NEDD4L: variants seen among roughly 807,000 people sequenced by gnomAD.
NEDD4L encodes the protein NEDD4 like E3 ubiquitin protein ligase.
NEDD4L carries 54 observed loss-of-function variants against 148.9 expected under a neutral mutation model. The observed-to-expected ratio is 0.36, with a 90% CI of 0.29 to 0.45. The LOEUF is 0.45. NEDD4L is among the 20% of genes least tolerant of loss of function. The probability of loss-of-function intolerance (pLI) is 1.00; values close to 1 mark genes in which losing one functional copy is unlikely to be tolerated. For missense variants in NEDD4L, 856 were observed against 1,233.8 expected (o/e 0.69, Z 4.59); for synonymous variants, 433 against 440.7 (o/e 0.98, Z 0.22).
At chr18:58,340,866 A>G in intron 13 of NEDD4L, 172 bp from the exon 14 acceptor site, 1 of 637,070 alleles carries the variant, frequency 1.6e-6, no homozygotes, top group Non-Finnish European at 2.6e-6. Flanking sequence ...AGTAGATTTG[A>G]AGCTGTTGGA....
chr18:58,186,749 A>G (rs2039523614), intron 2 of NEDD4L, among the ~76,000 whole-genome samples: 1 of 152,254 alleles, frequency 6.6e-6, no homozygotes, highest in Admixed American at 6.5e-5. Context: ...GCATTCCGGT[A>G]TGCTTGCATA....
intron 24 of NEDD4L, among the ~76,000 whole-genome samples, chr18:58,379,378 G>A (rs1366840465): frequency 6.6e-6 from 1 of 152,244 alleles, no homozygotes; most frequent in Non-Finnish European, 1.5e-5. Context: ...CTCCCACTTA[G>A]GGTTGACACT....
intron 2 of NEDD4L, among the ~76,000 whole-genome samples, chr18:58,236,376 AT>A (rs111978300): frequency 3.6e-4 from 55 of 152,234 alleles, no homozygotes; most frequent in South Asian, 2.1e-3. Flanking sequence ...AGAAAAAAAA[AT>A]TTATGAAGTA....
At chr18:58,159,268 A>G (rs2035899369) in intron 1 of NEDD4L, among the ~76,000 whole-genome samples, 1 of 152,094 alleles carries the variant, frequency 6.6e-6, no homozygotes, top group Admixed American at 6.5e-5. Context: ...TAGGCAGAGC[A>G]CCGAGGATTT....
At chr18:58,057,753 T>A (rs1341201104) in intron 1 of NEDD4L, among the ~76,000 whole-genome samples, 2 of 152,188 alleles carry the variant, frequency 1.3e-5, no homozygotes, top group Non-Finnish European at 2.9e-5. Context: ...GGTCTGTGGT[T>A]CTGGGAATTC....
intron 2 of NEDD4L, among the ~76,000 whole-genome samples, chr18:58,184,470 T>C (rs1358832712): frequency 2.0e-5 from 3 of 152,006 alleles, no homozygotes; most frequent in Non-Finnish European, 2.9e-5. Context: ...GCATCCGTCA[T>C]CTTAGGAGGT....
rs2146969107 is a variant in NEDD4L at position 58,390,664 on chromosome 18, G to A, written c.2674G>A (p.Ala892Thr). ...TTCATAGGCTGTGCTACTCATGGACGCCGAAAAGCGTATCCGGTTACTGCA... is the reference window on the plus strand; with the variant it reads ...TTCATAGGCTGTGCTACTCATGGACACCGAAAAGCGTATCCGGTTACTGCA... ...WFWKAVLLMD[A>T]EKRIRLLQFV... The change falls in exon 29 of 31, where the codon GCC becomes ACC. Residue 892 changes from alanine (A) to threonine (T), a missense_variant. By Grantham distance (58) the Ala-to-Thr change is moderately conservative (BLOSUM62 0). Around this residue, in one of 4 missense-constraint regions of NEDD4L, gnomAD observed 286 missense variants for 531.8 expected, o/e 0.54. Coordinates refer to ENST00000400345, the MANE Select transcript of NEDD4L (RefSeq NM_001144967.3). The A allele has an allele frequency of 3.1e-6, 5 of 1,589,214 alleles. No homozygotes were observed. Among genetic ancestry groups the A allele is most frequent in the Non-Finnish European group, 4.3e-6 (5 of 1,166,402 alleles).
chr18:58,340,144 A>C (rs1355496341), intron 13 of NEDD4L, among the ~76,000 whole-genome samples: 1 of 152,156 alleles, frequency 6.6e-6, no homozygotes, highest in Non-Finnish European at 1.5e-5. Flanking sequence ...TCGCCTATGC[A>C]TTCAAGCCCT....
chr18:58,324,741 T>C (rs1179265823), intron 8 of NEDD4L, among the ~76,000 whole-genome samples: 1 of 152,228 alleles, frequency 6.6e-6, no homozygotes, highest in Non-Finnish European at 1.5e-5. Flanking sequence ...TGTGTTGTCC[T>C]GCAATGTAGT....
intron 1 of NEDD4L, among the ~76,000 whole-genome samples, chr18:58,090,074 G>A (rs9965187): frequency 0.017 from 2,628 of 152,172 alleles, 62 homozygotes; most frequent in African/African-American, 0.056. Context: ...TCCTGACCTC[G>A]TGATCTGCTC....
At chr18:58,303,907 A>G (rs1230765358) in intron 5 of NEDD4L, among the ~76,000 whole-genome samples, 3 of 152,212 alleles carry the variant, frequency 2.0e-5, no homozygotes, top group Non-Finnish European at 4.4e-5. Flanking sequence ...AAGAAAAATG[A>G]ACACCAGATT....
intron 1 of NEDD4L, among the ~76,000 whole-genome samples, chr18:58,059,376 T>C (rs2082225135): frequency 6.6e-6 from 1 of 152,158 alleles, no homozygotes; most frequent in African/African-American, 2.4e-5. Flanking sequence ...CCATGTTTGA[T>C]TGCTTTATAC....
intron 26 of NEDD4L, 103 bp from the exon 27 acceptor site, chr18:58,387,336 G>C: frequency 7.8e-7 from 1 of 1,289,842 alleles, no homozygotes; most frequent in South Asian, 1.4e-5. Context: ...CATCAGGAGA[G>C]ATTATATTTT....
rs2033919780 is a variant in NEDD4L at position 58,144,719 on chromosome 18, T to C, written c.49-21069T>C. On this transcript the variant is annotated intron_variant, in intron 1 of 30. Transcript: ENST00000400345. ...GGAACAAAATAAAAATTACCCACAG[T>C]CTCCCTCGCGTGTACCGCACAGTTC... is the stretch of plus-strand genomic sequence containing the variant. 2.0e-5 allele frequency among the ~76,000 whole-genome samples: 3 copies of C among 151,888 alleles called. No homozygotes were observed. The South Asian group carries it at 6.2e-4, about 32-fold the overall frequency.
intron 5 of NEDD4L, among the ~76,000 whole-genome samples, chr18:58,308,700 C>T (rs4941386): frequency 0.96 from 145,858 of 152,334 alleles, 69,871 homozygotes; most frequent in East Asian, 1. Context: ...CTGCACTCAG[C>T]ACGAGTCTCA....
chr18:58,381,643 C>T (rs931687223), intron 24 of NEDD4L, among the ~76,000 whole-genome samples: 4 of 152,076 alleles, frequency 2.6e-5, no homozygotes, highest in African/African-American at 9.7e-5. Context: ...TTGTCATTGA[C>T]GTGGATCTGA....
chr18:58,157,097 A>T (rs928095378), intron 1 of NEDD4L, among the ~76,000 whole-genome samples: 30 of 149,378 alleles, frequency 2.0e-4, no homozygotes, highest in African/African-American at 6.6e-4. Context: ...CTAAGGTGGG[A>T]GGATTGCTTG....
At chr18:58,255,932 A>AAGGCCACGGACG (rs966496693) in intron 5 of NEDD4L, 10 of 1,231,118 alleles carry the variant, frequency 8.1e-6, no homozygotes, top group African/African-American at 3.1e-5. Context: ...CCTGCAGCGC[A>AAGGCCACGGACG]AGGCCACGGA....
At chr18:58,109,314 T>G (rs1599333541) in intron 1 of NEDD4L, among the ~76,000 whole-genome samples, 1 of 152,332 alleles carries the variant, frequency 6.6e-6, no homozygotes, top group South Asian at 2.1e-4. Flanking sequence ...TTTCACAGTT[T>G]CTGAATTTTT....
Sources: gnomAD v4.1 joint callset for allele counts (sites outside exome capture counted in the v4.1 genomes callset) on GRCh38, gnomAD v4.1.1 for gene constraint, gnomAD v4.1.1 regional missense constraint, MANE v1.5 for transcripts, NCBI Gene and HGNC (gene_info 2026-07-23, HGNC 2026-07-21) for gene names.